Variants in ATRN observed in about 807,000 individuals in gnomAD.
ATRN encodes the protein attractin, also known as attractin-2.
A neutral mutation model predicts 178.7 loss-of-function variants in ATRN; 54 were observed. The ratio of observed to expected loss-of-function variants is 0.30; its 90% CI spans 0.24 to 0.38. The LOEUF (loss-of-function observed/expected upper bound fraction) is 0.38, where lower values mean the gene tolerates loss of function less well. Among genes scored for constraint, ATRN ranks in the 10% least tolerant of loss-of-function variants. ATRN has a pLI of 1.00. For missense variants in ATRN, 1,443 were observed against 1,815.1 expected (o/e 0.79, Z 3.73); for synonymous variants, 636 against 663.0 (o/e 0.96, Z 0.63).
intron 1 of ATRN, among the ~76,000 whole-genome samples, chr20:3,493,897 A>C (rs755185414): frequency 1.1e-4 from 16 of 152,176 alleles, no homozygotes; most frequent in Non-Finnish European, 4.4e-5. Context: ...GTTAGAGTTG[A>C]TACTGTTATT....
intron 1 of ATRN, among the ~76,000 whole-genome samples, chr20:3,513,672 G>A (rs2085167011): frequency 6.6e-6 from 1 of 152,018 alleles, no homozygotes; most frequent in Non-Finnish European, 1.5e-5. Flanking sequence ...TGATGGGGAT[G>A]GTATTGAATC....
chr20:3,491,920 G>C (rs1377327250), intron 1 of ATRN, among the ~76,000 whole-genome samples: 1 of 152,164 alleles, frequency 6.6e-6, no homozygotes, highest in Non-Finnish European at 1.5e-5. Context: ...AGATGGCTAA[G>C]AGGAGTGGAG....
intron 23 of ATRN, among the ~76,000 whole-genome samples, chr20:3,602,963 CAAAAAAAAAAAAAAAAA>C (rs3842439): frequency 1.4e-3 from 56 of 40,872 alleles, no homozygotes; most frequent in African/African-American, 4.6e-3. Flanking sequence ...AATTCCATCT[CAAAAAAAAAAAAAAAAA>C]AAAAAAAAAA....
At position 3,492,871 on chromosome 20, in the gene ATRN, G is replaced by GCGCA. The variant is rs1313147425; in HGVS notation, c.410+21355_410+21356insGCAC. On this transcript the variant is annotated intron_variant, in intron 1 of 28. Transcript: ENST00000262919. ...GAGAGAGAGGCGCGCGCGCGCGTGC[G>GCGCA]CACGCACACACACACACACACACAC... 5.4e-4 allele frequency among the ~76,000 whole-genome samples: 71 copies of GCGCA among 132,450 alleles called. 1 individual carries two copies. Among genetic ancestry groups the GCGCA allele is most frequent in the African/African-American group, 2.1e-3 (66 of 31,796 alleles). 86.9% of individuals were successfully genotyped at this position (132,450 alleles called of 152,430 possible). A position where few individuals can be genotyped will look rare whatever the true frequency, so the allele number is the denominator to read the frequency against.
chr20:3,641,965 T>A (rs540098705), intron 27 of ATRN, among the ~76,000 whole-genome samples: 3 of 152,326 alleles, frequency 2.0e-5, no homozygotes, highest in African/African-American at 7.2e-5. Context: ...TAAAATAATA[T>A]TTGTGGGTTA....
chr20:3,492,850 GAGAGGCGC>G (rs1268101767), intron 1 of ATRN, among the ~76,000 whole-genome samples: 3 of 128,594 alleles, frequency 2.3e-5, no homozygotes, highest in Non-Finnish European at 3.1e-5. Flanking sequence ...GAGAGAGAGA[GAGAGGCGC>G]GCGCGCGCGT....
chr20:3,485,210 G>C (rs996663537), intron 1 of ATRN, among the ~76,000 whole-genome samples: 1 of 152,110 alleles, frequency 6.6e-6, no homozygotes, highest in Non-Finnish European at 1.5e-5. Flanking sequence ...CTAAGCTCTT[G>C]TAGTACTGGT....
chr20:3,485,119 C>G (rs1011826125), intron 1 of ATRN, among the ~76,000 whole-genome samples: 3 of 151,970 alleles, frequency 2.0e-5, no homozygotes, highest in Non-Finnish European at 4.4e-5. Flanking sequence ...CTGGCTGAGC[C>G]TCACCATCAT....
chr20:3,572,865 A>G lies in ATRN; in HGVS notation c.2006A>G (p.Asn669Ser). The G allele has an allele frequency of 6.2e-7, 1 of 1,613,916 alleles. No individual in the cohort carries two copies. Among genetic ancestry groups the G allele is most frequent in the Non-Finnish European group, 8.5e-7 (1 of 1,179,974 alleles). The change falls in exon 12 of 29, where the codon AAC becomes AGC. Residue 669 changes from asparagine (N) to serine (S), a missense_variant. Transcript: ENST00000262919. ...GGACCTGGTATTCGGTGTGTGTGGA[A>G]CACAGGGTCGTCTCAGTGTATCTCG... ...AAGPGIRCVW[N>S]TGSSQCISWA...
At chr20:3,531,613 T>C (rs959956125) in intron 1 of ATRN, among the ~76,000 whole-genome samples, 1 of 152,196 alleles carries the variant, frequency 6.6e-6, no homozygotes, top group Admixed American at 6.5e-5. Context: ...TAAGGTTTTG[T>C]TGAGTGAGCA....
intron 4 of ATRN, among the ~76,000 whole-genome samples, chr20:3,546,278 C>G (rs574795048): frequency 5.9e-5 from 9 of 152,146 alleles, no homozygotes; most frequent in Admixed American, 2.0e-4. Context: ...AATCTATACT[C>G]ATTAAAGTAC....
At position 3,600,942 on chromosome 20, in the gene ATRN, T is replaced by C; in HGVS notation, c.3565-4T>C. ...ATTTTCTAATAATTTGTACCGCTCA[T>C]CAGCAAAACAGGGATTTGGACATGT... On this transcript the variant is annotated splice_polypyrimidine_tract_variant and splice_region_variant and intron_variant, in intron 22 of 28. Coordinates refer to ENST00000262919, the MANE Select transcript of ATRN (RefSeq NM_139321.3). 1 of 1,611,726 alleles carries C rather than the reference T, an allele frequency of 6.2e-7. No individual in the cohort carries two copies. The highest frequency in any genetic ancestry group is 8.5e-7 in the Non-Finnish European group (1 of 1,178,482).
At chr20:3,563,839 A>G (rs771640610) in intron 10 of ATRN, among the ~76,000 whole-genome samples, 13 of 152,234 alleles carry the variant, frequency 8.5e-5, no homozygotes, top group Non-Finnish European at 1.5e-4. Context: ...TCAGATGTTC[A>G]TTTTAAACAA....
intron 25 of ATRN, among the ~76,000 whole-genome samples, chr20:3,630,022 T>A (rs2086977884): frequency 6.6e-6 from 1 of 152,222 alleles, no homozygotes; most frequent in African/African-American, 2.4e-5. Context: ...CTCCAGCCCC[T>A]TTCCCCTTCT....
Position 3,596,487 on chromosome 20 carries a change from GT to G in ATRN, c.3469+61del, listed in dbSNP as rs1339626809. 6.7e-6 allele frequency: 10 copies of G among 1,491,908 alleles called. No homozygotes were observed. In the African/African-American group the frequency reaches 1.1e-4, roughly 17 times the overall value. 92.4% of individuals were successfully genotyped at this position (1,491,908 alleles called of 1,614,324 possible). A position where few individuals can be genotyped will look rare whatever the true frequency, so the allele number is the denominator to read the frequency against. On this transcript the variant is annotated intron_variant, in intron 21 of 28. Transcript: ENST00000262919. ...CAAAGTAGTTCAGTAAAACTTCATT[GT>G]TTAAACGGGTTTGAGAATAGTAAGT...
chr20:3,529,382 G>A (rs2085418806), intron 1 of ATRN, among the ~76,000 whole-genome samples: 1 of 152,176 alleles, frequency 6.6e-6, no homozygotes, highest in African/African-American at 2.4e-5. Context: ...CCTGTCCACA[G>A]AAAGATTTAT....
At chr20:3,497,621 A>AAT (rs1180002133) in intron 1 of ATRN, among the ~76,000 whole-genome samples, 1 of 151,990 alleles carries the variant, frequency 6.6e-6, no homozygotes, top group Non-Finnish European at 1.5e-5. Flanking sequence ...AACTTTGGTG[A>AAT]ATCTGACAAT....
intron 1 of ATRN, among the ~76,000 whole-genome samples, chr20:3,496,500 G>A (rs1568687842): frequency 1.3e-5 from 2 of 152,180 alleles, no homozygotes; most frequent in Non-Finnish European, 2.9e-5. Flanking sequence ...TAGTTTGATT[G>A]CACTGTGGTC....
intron 24 of ATRN, among the ~76,000 whole-genome samples, chr20:3,609,523 T>G (rs2086730747): frequency 6.6e-6 from 1 of 152,194 alleles, no homozygotes; most frequent in Non-Finnish European, 1.5e-5. Flanking sequence ...ATTTCTTTCT[T>G]TTGCCTAGTT....
Sources: allele counts gnomAD v4.1 joint callset (sites outside exome capture counted in the v4.1 genomes callset), GRCh38; gene constraint gnomAD v4.1.1; transcripts MANE v1.5; gene names NCBI Gene and HGNC (gene_info 2026-07-23, HGNC 2026-07-21).